The following STK39 variants were observed in gnomAD, a reference collection of about 807,000 sequenced individuals.
The protein encoded by STK39 is serine/threonine kinase 39.
STK39 carries 20 observed loss-of-function variants against 77.8 expected under a neutral mutation model. That is an observed-to-expected ratio of 0.26 (90% CI 0.18 to 0.37). The LOEUF (loss-of-function observed/expected upper bound fraction) is 0.37, where lower values mean the gene tolerates loss of function less well. STK39 is among the 10% of genes least tolerant of loss of function. The pLI, the probability that STK39 is intolerant of heterozygous loss-of-function variation, is 1.00. For synonymous variants in STK39, 246 were observed against 234.1 expected, an observed-to-expected ratio of 1.05 and a Z score of -0.47; for missense variants, 479 against 656.5, an observed-to-expected ratio of 0.73 and a Z score of 2.95.
chr2:168,083,112 A>G (rs1686279887), intron 10 of STK39, among the ~76,000 whole-genome samples: 1 of 152,058 alleles, frequency 6.6e-6, no homozygotes, highest in Non-Finnish European at 1.5e-5. Context: ...ATTTTCTACC[A>G]CATCTCTTTA....
In STK39 at chr2:168,140,278, A is replaced by G. The variant is rs200935955; in HGVS notation, c.840+11T>C. The G allele has an allele frequency of 1.2e-6, 2 of 1,605,146 alleles. No individual in the cohort carries two copies. The highest frequency in any genetic ancestry group is 2.7e-5 in the African/African-American group (2 of 74,782). On this transcript the variant is annotated intron_variant, in intron 7 of 17. Coordinates refer to ENST00000355999, the MANE Select transcript of STK39 (RefSeq NM_013233.3). ...TTTCAACCCCGATGTAGTATTTCCAATTGTAATTACTTTCATGGGAGGATA... is the reference window on the plus strand; with the variant it reads ...TTTCAACCCCGATGTAGTATTTCCAGTTGTAATTACTTTCATGGGAGGATA...
chr2:168,183,562 TC>T (rs1689136890), intron 1 of STK39, among the ~76,000 whole-genome samples: 1 of 152,220 alleles, frequency 6.6e-6, no homozygotes, highest in South Asian at 2.1e-4. Flanking sequence ...CTTCCCTTCC[TC>T]ACTTGTTTTG....
chr2:168,205,746 G>A (rs1689725554), intron 1 of STK39, among the ~76,000 whole-genome samples: 1 of 152,092 alleles, frequency 6.6e-6, no homozygotes, highest in South Asian at 2.1e-4. Context: ...TTGAGCCCAG[G>A]AGTTCAAGGC....
intron 16 of STK39, among the ~76,000 whole-genome samples, chr2:168,011,940 C>T (rs181844918): frequency 3.9e-5 from 6 of 152,166 alleles, no homozygotes; most frequent in South Asian, 4.1e-4. Flanking sequence ...GCTGAAAAAA[C>T]GAATTCTAAG....
chr2:168,167,480 T>G lies in STK39; in HGVS notation c.322-73A>C. The G allele has an allele frequency of 4.5e-6, 6 of 1,343,470 alleles. No homozygotes were observed. In the South Asian group the frequency reaches 7.2e-5, roughly 16 times the overall value. The allele number at this position is 1,343,470 out of a possible 1,614,324, so 83.2% of individuals were successfully genotyped here. ...CAAGCAAAACACAAGTGAATCACAG[T>G]TGAGTACCTGGGTAACTTTCCTACT... On this transcript the variant is annotated intron_variant, in intron 2 of 17. Coordinates refer to ENST00000355999, the MANE Select transcript of STK39 (RefSeq NM_013233.3).
chr2:167,983,753 A>T (rs552828065), intron 16 of STK39, among the ~76,000 whole-genome samples: 1 of 152,296 alleles, frequency 6.6e-6, no homozygotes, highest in East Asian at 1.9e-4. Context: ...CTATCCTGAC[A>T]GCATGCCCCA....
At chr2:168,006,510 A>G (rs1020429548) in intron 16 of STK39, among the ~76,000 whole-genome samples, 7 of 152,186 alleles carry the variant, frequency 4.6e-5, no homozygotes, top group Non-Finnish European at 1.5e-5. Flanking sequence ...AGCAAAGGAA[A>G]CAAGGAGTTT....
At chr2:168,020,594 G>A (rs1283039499) in intron 14 of STK39, among the ~76,000 whole-genome samples, 1 of 150,990 alleles carries the variant, frequency 6.6e-6, no homozygotes, top group East Asian at 1.9e-4. Context: ...ACATACATAT[G>A]CATGTACACA....
Position 168,012,690 on chromosome 2 carries a change from C to T in STK39, c.1442G>A (p.Gly481Asp), listed in dbSNP as rs1242984484. Residue 481 changes from glycine (G) to aspartate (D), a missense_variant, in exon 16 of 18, where the codon GGT (glycine) becomes GAT (aspartate). Transcript: ENST00000355999. ...AGCAGAGAAGAGCTCCTGAGATACA[C>T]CATCTGCTGTATCTGTCCAAATGTG... is the stretch of plus-strand genomic sequence containing the variant. ...EFTPGRDTADGVSQELFSAGL... is the reference protein window; with the variant it reads ...EFTPGRDTADDVSQELFSAGL... 6.2e-7 allele frequency: 1 copy of T among 1,613,544 alleles called. No homozygotes were observed. The highest frequency in any genetic ancestry group is 8.5e-7 in the Non-Finnish European group (1 of 1,179,622).
intron 5 of STK39, among the ~76,000 whole-genome samples, chr2:168,159,510 A>C (rs1364675659): frequency 6.6e-6 from 1 of 152,242 alleles, no homozygotes; most frequent in Non-Finnish European, 1.5e-5. Flanking sequence ...AGTAACATCT[A>C]CCTTTCCAAG....
Position 168,163,645 on chromosome 2 carries a change from T to A in STK39, c.572+94A>T, listed in dbSNP as rs942091716. On this transcript the variant is annotated intron_variant, in intron 4 of 17. Coordinates refer to ENST00000355999, the MANE Select transcript of STK39 (RefSeq NM_013233.3). ...AACATCTCTGCAGAGGTCACACCTG[T>A]GAATCTGACCGTTTCTGTGTAGACA... 6 of 1,603,542 alleles carry A rather than the reference T, an allele frequency of 3.7e-6. No individual in the cohort carries two copies. In the Admixed American group the frequency reaches 1.0e-4, roughly 27 times the overall value.
chr2:168,101,622 C>T (rs958379455), intron 10 of STK39, among the ~76,000 whole-genome samples: 2 of 151,996 alleles, frequency 1.3e-5, no homozygotes, highest in African/African-American at 2.4e-5. Context: ...CCTATAGTCC[C>T]AGCTACTCTG....
At position 168,247,310 on chromosome 2, in the gene STK39, G is replaced by A. The variant is rs1690950839; in HGVS notation, c.126C>T (p.Ala42=). 1 of 1,039,712 alleles carries A rather than the reference G, an allele frequency of 9.6e-7. No homozygotes were observed. Among genetic ancestry groups the A allele is most frequent in the East Asian group, 6.1e-5 (1 of 16,418 alleles). The allele number at this position is 1,039,712 out of a possible 1,614,324, so 64.4% of individuals were successfully genotyped here. ...CCGCCGGGGCCGGGGCCGGGGCCGG[G>A]GCCGCGGGAGCTGCCGGGGCCGGCG... ...TAAPAPAAPA[A]PAPAPAPAAQ... Residue 42 remains alanine, a synonymous_variant, in exon 1 of 18, where the codon GCC becomes GCT. Coordinates refer to ENST00000355999, the MANE Select transcript of STK39 (RefSeq NM_013233.3).
At chr2:168,010,033 A>C (rs1242141475) in intron 16 of STK39, among the ~76,000 whole-genome samples, 2 of 151,302 alleles carry the variant, frequency 1.3e-5, no homozygotes, top group African/African-American at 4.8e-5. Context: ...GACTATGCTT[A>C]AAAGAAGATG....
At chr2:168,005,278 T>C (rs926046208) in intron 16 of STK39, among the ~76,000 whole-genome samples, 1 of 152,082 alleles carries the variant, frequency 6.6e-6, no homozygotes, top group Non-Finnish European at 1.5e-5. Flanking sequence ...AGTGCTAGGA[T>C]TACAGGTGTG....
At chr2:168,083,046 A>C (rs984334407) in intron 10 of STK39, among the ~76,000 whole-genome samples, 2 of 152,168 alleles carry the variant, frequency 1.3e-5, no homozygotes. Context: ...TGCTTCTCCC[A>C]ACCAAATCTA....
intron 16 of STK39, among the ~76,000 whole-genome samples, chr2:168,008,935 G>C (rs1684200214): frequency 6.6e-6 from 1 of 152,198 alleles, no homozygotes; most frequent in Non-Finnish European, 1.5e-5. Flanking sequence ...CACAGACCAC[G>C]TGTCCTTTAC....
In STK39 at chr2:168,220,981, T is replaced by C. The variant is rs150315819; in HGVS notation, c.208+26247A>G. On this transcript the variant is annotated intron_variant, in intron 1 of 17. Coordinates refer to ENST00000355999, the MANE Select transcript of STK39 (RefSeq NM_013233.3). ...TAGGAGACAGAGTCAGAAATAATGGTGATTCCTCTTGTTTCCTGGGTTGGT... is the reference window on the plus strand; with the variant it reads ...TAGGAGACAGAGTCAGAAATAATGGCGATTCCTCTTGTTTCCTGGGTTGGT... Among the ~76,000 whole-genome samples the C allele has an allele frequency of 2.6e-3, 399 of 152,262 alleles. 5 individuals carry two copies. Among genetic ancestry groups the C allele is most frequent in the African/African-American group, 9.0e-3 (373 of 41,538 alleles).
In STK39 at chr2:167,989,341, A is replaced by G. The variant is rs138299693; in HGVS notation, c.1498+23293T>C. Among the ~76,000 whole-genome samples the G allele has an allele frequency of 2.1e-3, 316 of 152,310 alleles. 4 individuals are homozygous for G. Among genetic ancestry groups the G allele is most frequent in the African/African-American group, 7.3e-3 (305 of 41,560 alleles). On this transcript the variant is annotated intron_variant, in intron 16 of 17. Coordinates refer to ENST00000355999, the MANE Select transcript of STK39 (RefSeq NM_013233.3). ...TCCAACACTTAGTAAGAACATCACA[A>G]AGTAGATCCTTAAGATGAACTATCA...
Sources: gnomAD v4.1 joint callset for allele counts (sites outside exome capture counted in the v4.1 genomes callset) on GRCh38, gnomAD v4.1.1 for gene constraint, MANE v1.5 for transcripts, NCBI Gene and HGNC (gene_info 2026-07-23, HGNC 2026-07-21) for gene names.